Variants in ZNF831 observed in about 807,000 individuals in gnomAD.
ZNF831 encodes chromosome 20 open reading frame 174.
Under a neutral mutation model 95.8 loss-of-function variants are expected in ZNF831, and 59 were observed. The ratio of observed to expected loss-of-function variants is 0.62; its 90% CI spans 0.50 to 0.77. The LOEUF is 0.77. Among genes scored for constraint, ZNF831 ranks in the 30% least tolerant of loss-of-function variants. The pLI, the probability that ZNF831 is intolerant of heterozygous loss-of-function variation, is 0.00. For missense variants in ZNF831, 2,205 were observed against 2,164.0 expected, an observed-to-expected ratio of 1.02 and a Z score of -0.38; for synonymous variants, 961 against 925.5, an observed-to-expected ratio of 1.04 and a Z score of -0.70.
intron 1 of ZNF831, among the ~76,000 whole-genome samples, chr20:59,166,203 C>A (rs1568734355): frequency 6.6e-6 from 1 of 152,118 alleles, no homozygotes. Flanking sequence ...GGAAAATGGT[C>A]TGTGCAGAGT....
chr20:59,220,869 T>C (rs924535116), intron 4 of ZNF831, among the ~76,000 whole-genome samples: 3 of 152,170 alleles, frequency 2.0e-5, no homozygotes, highest in African/African-American at 7.2e-5. Context: ...TTAGAGGAAT[T>C]GGTTTGAGTC....
intron 4 of ZNF831, among the ~76,000 whole-genome samples, chr20:59,242,766 T>C (rs1368666880): frequency 6.6e-6 from 1 of 152,246 alleles, no homozygotes; most frequent in Non-Finnish European, 1.5e-5. Context: ...GCTCTTTCGA[T>C]GAGTCCTTCA....
intron 2 of ZNF831, among the ~76,000 whole-genome samples, chr20:59,157,438 G>A (rs1318037345): frequency 1.3e-5 from 2 of 152,182 alleles, no homozygotes; most frequent in African/African-American, 2.4e-5. Flanking sequence ...AGGCGAATTG[G>A]GTGGCTTATC....
At chr20:59,159,527 G>C (rs1466506147), upstream of ZNF831, 1 of 152,170 alleles carries the variant, frequency 6.6e-6, no homozygotes, top group African/African-American at 2.4e-5. Context: ...TGACACTCCA[G>C]GGGGAGGTAC....
chr20:59,151,446 C>G (rs2146457284), intron 2 of ZNF831, among the ~76,000 whole-genome samples: 2 of 152,312 alleles, frequency 1.3e-5, no homozygotes, highest in African/African-American at 2.4e-5. Flanking sequence ...ACACCCGACC[C>G]TGTGCTAGCA....
In ZNF831 at chr20:59,194,720, C is replaced by A. The variant is rs367777866; in HGVS notation, c.3701C>A (p.Thr1234Lys). Residue 1234 changes from threonine (T) to lysine (K), a missense_variant, in exon 2 of 6, where the codon ACA becomes AAA. Coordinates refer to ENST00000371030, the MANE Select transcript of ZNF831 (RefSeq NM_178457.3). ...PPGSNGGWTWTSPGEGGPAQM... is the reference protein window; with the variant it reads ...PPGSNGGWTWKSPGEGGPAQM... ...GGGAGCAATGGAGGATGGACCTGGA[C>A]AAGCCCTGGAGAAGGAGGGCCGGCG... 6.3e-7 allele frequency: 1 copy of A among 1,593,596 alleles called. No homozygotes were observed. Among genetic ancestry groups the A allele is most frequent in the Non-Finnish European group, 8.5e-7 (1 of 1,171,266 alleles).
rs565318688 is a variant in ZNF831, at chr20:59,150,002, G to A, written c.-1281+3628G>A. 5.9e-5 allele frequency among the ~76,000 whole-genome samples: 9 copies of A among 152,326 alleles called. No individual in the cohort carries two copies. In the South Asian group the frequency reaches 1.2e-3, roughly 21 times the overall value. Reference sequence around the variant, plus strand: ...CGCCTTTTCCTCTGTGACCTGCTACGGGCCTCACATCCTGAGAGGAGCCCT... The same window carrying A: ...CGCCTTTTCCTCTGTGACCTGCTACAGGCCTCACATCCTGAGAGGAGCCCT... On this transcript the variant is annotated intron_variant, in intron 2 of 7. Coordinates refer to the ZNF831 transcript ENST00000637017.
chr20:59,227,621 T>C (rs1326797425), intron 4 of ZNF831, among the ~76,000 whole-genome samples: 1 of 152,252 alleles, frequency 6.6e-6, no homozygotes, highest in African/African-American at 2.4e-5. Flanking sequence ...GTTTTAACTT[T>C]CATTGTTTTG....
chr20:59,159,765 G>A (rs1357083067), upstream of ZNF831: 2 of 152,414 alleles, frequency 1.3e-5, no homozygotes, highest in African/African-American at 2.4e-5. Context: ...GTGCCTCCCC[G>A]AGGCAGGGCA....
chr20:59,168,455 G>GTTTTTTTT (rs71183161), intron 1 of ZNF831, among the ~76,000 whole-genome samples: 1 of 113,854 alleles, frequency 8.8e-6, no homozygotes, highest in Non-Finnish European at 1.7e-5. Flanking sequence ...GTGCGAGGAG[G>GTTTTTTTT]TTTTTTTTTT....
At chr20:59,128,187 G>T (rs1979237604) in intron 1 of ZNF831, among the ~76,000 whole-genome samples, 1 of 152,124 alleles carries the variant, frequency 6.6e-6, no homozygotes, top group South Asian at 2.1e-4. Context: ...AAATAAATAG[G>T]GTAATGCAAT....
At chr20:59,210,032 G>T (rs1323659201) in intron 4 of ZNF831, among the ~76,000 whole-genome samples, 2 of 152,094 alleles carry the variant, frequency 1.3e-5, no homozygotes, top group East Asian at 1.9e-4. Context: ...GGACCTCAGG[G>T]CCACTATTCA....
At chr20:59,233,994 T>A (rs549420799) in intron 4 of ZNF831, among the ~76,000 whole-genome samples, 3 of 152,308 alleles carry the variant, frequency 2.0e-5, no homozygotes, top group Non-Finnish European at 2.9e-5. Flanking sequence ...TTCTTCTACT[T>A]CTGATGATGA....
intron 3 of ZNF831, among the ~76,000 whole-genome samples, chr20:59,201,141 C>G (rs1189907670): frequency 1.3e-5 from 2 of 152,150 alleles, no homozygotes; most frequent in African/African-American, 4.8e-5. Context: ...ATTGCCAACA[C>G]TTGGTATGGT....
chr20:59,209,004 G>T (rs564289644), intron 4 of ZNF831, among the ~76,000 whole-genome samples: 1 of 152,200 alleles, frequency 6.6e-6, no homozygotes, highest in Non-Finnish European at 1.5e-5. Context: ...CACTGTGACA[G>T]GGAGGGGAAC....
intron 2 of ZNF831, among the ~76,000 whole-genome samples, chr20:59,149,771 C>T (rs1327784272): frequency 6.6e-6 from 1 of 152,098 alleles, no homozygotes; most frequent in Admixed American, 6.5e-5. Flanking sequence ...TGGAACTTGC[C>T]CTGAGGGCCC....
At chr20:59,164,999 C>A (rs1981142314) in intron 1 of ZNF831, among the ~76,000 whole-genome samples, 1 of 152,194 alleles carries the variant, frequency 6.6e-6, no homozygotes, top group African/African-American at 2.4e-5. Flanking sequence ...AAATAATATG[C>A]CTTTTAACCA....
At chr20:59,221,388 C>T (rs1057382138) in intron 4 of ZNF831, among the ~76,000 whole-genome samples, 6 of 152,190 alleles carry the variant, frequency 3.9e-5, no homozygotes, top group African/African-American at 1.4e-4. Context: ...AGCTCCAACT[C>T]GTCCCAGAGG....
rs919697587 is a variant in ZNF831 at position 59,195,921 on chromosome 20, C to T, written c.3791C>T (p.Pro1264Leu). ...GVMPQHQVSEPEWKKGLPWRA... is the reference protein window; with the variant it reads ...GVMPQHQVSELEWKKGLPWRA... ...ATGCCCCAGCACCAGGTGTCTGAGC[C>T]AGAATGGAAGAAAGGCCTGCCTTGG... The change falls in exon 3 of 6, where the codon CCA becomes CTA. Residue 1264 changes from proline to leucine, a missense_variant. Coordinates refer to ENST00000371030, the MANE Select transcript of ZNF831 (RefSeq NM_178457.3). The T allele has an allele frequency of 4.3e-6, 7 of 1,614,162 alleles. No homozygotes were observed. The highest frequency in any genetic ancestry group is 5.1e-6 in the Non-Finnish European group (6 of 1,180,032).
Sources: allele counts gnomAD v4.1 joint callset (sites outside exome capture counted in the v4.1 genomes callset), GRCh38; gene constraint gnomAD v4.1.1; transcripts MANE v1.5; gene names NCBI Gene and HGNC (gene_info 2026-07-23, HGNC 2026-07-21).